USP34: variants seen among roughly 807,000 people sequenced by gnomAD.
USP34 encodes the protein ubiquitin specific peptidase 34.
USP34 carries 70 observed loss-of-function variants against 460.3 expected under a neutral mutation model. That is an observed-to-expected ratio of 0.15 (90% CI 0.13 to 0.19). The LOEUF (loss-of-function observed/expected upper bound fraction) is 0.19. USP34 is among the 10% of genes least tolerant of loss of function. The pLI, the probability that USP34 is intolerant of heterozygous loss-of-function variation, is 1.00. For missense variants in USP34, 3,985 were observed against 4,236.2 expected (o/e 0.94, Z 1.65); for synonymous variants, 1,647 against 1,405.3 (o/e 1.17, Z -3.85).
At chr2:61,224,449 T>G (rs181807029) in intron 62 of USP34, among the ~76,000 whole-genome samples, 3 of 152,354 alleles carry the variant, frequency 2.0e-5, no homozygotes, top group East Asian at 1.9e-4. Flanking sequence ...AGGGTTAGTC[T>G]TTTTGTAAGG....
intron 1 of USP34, among the ~76,000 whole-genome samples, chr2:61,435,960 G>A (rs11902573): frequency 0.14 from 20,540 of 150,538 alleles, 1,561 homozygotes; most frequent in African/African-American, 0.19. Context: ...CCTGGGAGGC[G>A]GAGGCTGCAG....
At chr2:61,258,737 A>C (rs1395193912) in intron 44 of USP34, among the ~76,000 whole-genome samples, 6 of 152,286 alleles carry the variant, frequency 3.9e-5, no homozygotes, top group Non-Finnish European at 1.5e-5. Flanking sequence ...AAGCAGGGGA[A>C]TAATATTGTA....
chr2:61,278,198 G>C lies in USP34; in HGVS notation c.5400C>G (p.His1800Gln). The change falls in exon 41 of 80, where the codon CAC becomes CAG. Residue 1800 changes from histidine (H) to glutamine (Q), a missense_variant. Around this residue, in one of 14 missense-constraint regions of USP34, gnomAD observed 1,114 missense variants for 1,122.5 expected, o/e 0.99. Transcript: ENST00000398571. ...LLRLATSVVK[H>Q]KPPFKFSREG... ...CCCTTGAAAATTTAAAGGGTGGTTT[G>C]TGTTTAACAACACTTGTTGCAAGCC... 6.2e-7 allele frequency: 1 copy of C among 1,613,336 alleles called. No homozygotes were observed. Among genetic ancestry groups the C allele is most frequent in the Non-Finnish European group, 8.5e-7 (1 of 1,179,642 alleles).
intron 67 of USP34, among the ~76,000 whole-genome samples, chr2:61,219,516 C>T (rs1224731349): frequency 6.6e-6 from 1 of 151,980 alleles, no homozygotes; most frequent in South Asian, 2.1e-4. Flanking sequence ...ACTAAAAATA[C>T]AAAAATTAGC....
rs776785050 is a variant in USP34 at position 61,190,547 on chromosome 2, A to G, written c.9700T>C (p.Tyr3234His). 1.1e-5 allele frequency: 17 copies of G among 1,614,000 alleles called. No individual in the cohort carries two copies. The Admixed American group carries it at 2.8e-4, about 27-fold the overall frequency. The change falls in exon 77 of 80, where the codon TAC becomes CAC. Residue 3234 changes from tyrosine to histidine, a missense_variant. Tyr to His is a moderately conservative substitution (Grantham distance 83). This residue lies in a region of USP34 where 506 missense variants were observed against 439.0 expected (regional missense o/e 1.15). Transcript: ENST00000398571. ...AGAAGGAAATGTGTCATGAACGTGT[A>G]GACAATGTTGTTGTTTAAAAAAGTT... ...ERTFLNNNIV[Y>H]TFMTHFLLKV...
rs750187870 is a variant in USP34, at chr2:61,443,480, CCAG to C, written c.44-22650_44-22648del. Among the ~76,000 whole-genome samples, 35 of 105,984 alleles carry C rather than the reference CCAG, an allele frequency of 3.3e-4. 1 individual carries two copies. Among genetic ancestry groups the C allele is most frequent in the Middle Eastern group, 4.3e-3 (1 of 230 alleles). The allele number at this position is 105,984 out of a possible 152,430, so 69.5% of individuals were successfully genotyped here. A position where few individuals can be genotyped will look rare whatever the true frequency, so the allele number is the denominator to read the frequency against. Reference sequence around the variant, plus strand: ...AATTTTTTAAAAAGCTATCTTCCTGCCAGCAGATGTGTTAAAAAAAAAAAAACT... The same window carrying C: ...AATTTTTTAAAAAGCTATCTTCCTGCCAGATGTGTTAAAAAAAAAAAAACT... On this transcript the variant is annotated intron_variant, in intron 1 of 79. Coordinates refer to ENST00000398571, the MANE Select transcript of USP34 (RefSeq NM_014709.4).
At chr2:61,315,055 A>T in intron 23 of USP34, 81 bp from the exon 24 acceptor site, 1 of 1,014,264 alleles carries the variant, frequency 9.9e-7, no homozygotes, top group Non-Finnish European at 1.5e-6. Flanking sequence ...CAAAAGTAAA[A>T]ATCATAGGCA....
At chr2:61,302,644 A>C (rs1690264865) in intron 27 of USP34, among the ~76,000 whole-genome samples, 1 of 152,214 alleles carries the variant, frequency 6.6e-6, no homozygotes, top group Non-Finnish European at 1.5e-5. Flanking sequence ...TCTTTCCCCA[A>C]ACTGAACAAG....
chr2:61,306,132 G>A (rs7370889), intron 27 of USP34, among the ~76,000 whole-genome samples: 80,109 of 151,852 alleles, frequency 0.53, 21,456 homozygotes, highest in South Asian at 0.74. Context: ...TTGGTGTTTT[G>A]GACATGAAGT....
chr2:61,249,078 G>C (rs1254763665), intron 48 of USP34, among the ~76,000 whole-genome samples: 2 of 152,166 alleles, frequency 1.3e-5, no homozygotes, highest in African/African-American at 2.4e-5. Flanking sequence ...GGCACAGCAA[G>C]AGATTAACAA....
chr2:61,405,254 A>AAAAAAAAAAAAAAAAAAAAAAAG (rs1558575556), intron 3 of USP34, among the ~76,000 whole-genome samples: 1 of 97,404 alleles, frequency 1.0e-5, no homozygotes, highest in Non-Finnish European at 2.0e-5. Context: ...AAAAAAAAAA[A>AAAAAAAAAAAAAAAAAAAAAAAG]AAAGAAAGAA....
Position 61,348,305 on chromosome 2 carries a change from A to G in USP34, c.1850T>C (p.Ile617Thr). ...SEVQSEDIAD[I>T]EALKEEDEDD... ...TTCATCTTCCTCTTTGAGGGCTTCA[A>G]TATCTGCAATGTCTTCTGACTGTAC... is the stretch of plus-strand genomic sequence containing the variant. Residue 617 changes from isoleucine to threonine, a missense_variant, in exon 15 of 80, where the codon ATT becomes ACT. Transcript: ENST00000398571. 3 of 1,614,146 alleles carry G rather than the reference A, an allele frequency of 1.9e-6. No individual in the cohort carries two copies. The highest frequency in any genetic ancestry group is 2.5e-6 in the Non-Finnish European group (3 of 1,180,024).
In USP34 at chr2:61,356,051, GTA is replaced by G. The variant is rs561457207; in HGVS notation, c.1252-5360_1252-5359del. Among the ~76,000 whole-genome samples the G allele has an allele frequency of 1.8e-4, 27 of 152,150 alleles. No homozygotes were observed. In the East Asian group the frequency reaches 4.2e-3, roughly 24 times the overall value. ...TTTAATCCAGCAATCTGACTCCTAGGTATATGTCTAAAAGAATTCAAAGCAAG... is the reference window on the plus strand; with the variant it reads ...TTTAATCCAGCAATCTGACTCCTAGGTATGTCTAAAAGAATTCAAAGCAAG... On this transcript the variant is annotated intron_variant, in intron 10 of 79. Transcript: ENST00000398571.
At chr2:61,456,020 C>T (rs760387808) in intron 1 of USP34, among the ~76,000 whole-genome samples, 1 of 152,130 alleles carries the variant, frequency 6.6e-6, no homozygotes, top group Non-Finnish European at 1.5e-5. Context: ...CTGGAACCTT[C>T]CTTAAGAGAA....
intron 29 of USP34, among the ~76,000 whole-genome samples, chr2:61,297,291 AC>A (rs1256311015): frequency 6.6e-6 from 1 of 152,230 alleles, no homozygotes; most frequent in East Asian, 1.9e-4. Flanking sequence ...CACAATAAAG[AC>A]TGGGTGAATT....
chr2:61,402,583 G>A (rs1380770332), intron 3 of USP34, among the ~76,000 whole-genome samples: 1 of 152,166 alleles, frequency 6.6e-6, no homozygotes, highest in Non-Finnish European at 1.5e-5. Context: ...TAAAATAAAA[G>A]TGTTGAGTAG....
intron 41 of USP34, among the ~76,000 whole-genome samples, chr2:61,272,206 T>C (rs957516226): frequency 4.6e-5 from 7 of 152,106 alleles, no homozygotes; most frequent in African/African-American, 1.7e-4. Context: ...GGTCAGGATA[T>C]CGAGACCATC....
intron 6 of USP34, among the ~76,000 whole-genome samples, chr2:61,382,330 CT>C (rs2103867582): frequency 6.6e-6 from 1 of 152,336 alleles, no homozygotes; most frequent in East Asian, 1.9e-4. Context: ...ACCTTCAAAA[CT>C]ATATCCCCTT....
At chr2:61,289,775 C>A (rs1370764643) in intron 33 of USP34, among the ~76,000 whole-genome samples, 1 of 151,982 alleles carries the variant, frequency 6.6e-6, no homozygotes, top group Non-Finnish European at 1.5e-5. Flanking sequence ...ATTGCATACA[C>A]AAAACTCAAA....
Sources: gnomAD v4.1 joint callset for allele counts (sites outside exome capture counted in the v4.1 genomes callset) on GRCh38, gnomAD v4.1.1 for gene constraint, gnomAD v4.1.1 regional missense constraint, MANE v1.5 for transcripts, NCBI Gene and HGNC (gene_info 2026-07-23, HGNC 2026-07-21) for gene names.